SEC23B: variants seen among roughly 807,000 people sequenced by gnomAD.
SEC23B encodes protein transport protein Sec23B.
A neutral mutation model predicts 104.3 loss-of-function variants in SEC23B; 77 were observed. The ratio of observed to expected loss-of-function variants is 0.74; its 90% CI spans 0.61 to 0.89. SEC23B has a LOEUF of 0.89. Among genes scored for constraint, SEC23B ranks in the 40% least tolerant of loss-of-function variants. The pLI is 0.00. For missense variants in SEC23B, 885 were observed against 949.4 expected (o/e 0.93, Z 0.89); for synonymous variants, 338 against 332.5 (o/e 1.02, Z -0.18).
chr20:18,535,319 G>T (rs765507475), intron 11 of SEC23B, among the ~76,000 whole-genome samples: 4 of 151,858 alleles, frequency 2.6e-5, no homozygotes, highest in Non-Finnish European at 5.9e-5. Flanking sequence ...AGGCTGCAGT[G>T]AGCTGTGATT....
intron 3 of SEC23B, 149 bp from the exon 4 acceptor site, chr20:18,515,501 C>T (rs2060016536): frequency 3.1e-6 from 2 of 650,240 alleles, no homozygotes; most frequent in Admixed American, 2.1e-5. Flanking sequence ...TGTATACAGA[C>T]AGGGTCTCAC....
At chr20:18,511,770 C>A (rs1007686696) in intron 2 of SEC23B, among the ~76,000 whole-genome samples, 16 of 152,140 alleles carry the variant, frequency 1.1e-4, no homozygotes, top group Admixed American at 1.0e-3. Context: ...GCTTGCCCAA[C>A]TTTTCTTAAA....
Position 18,510,815 on chromosome 20 carries a change from TC to T in SEC23B, c.-14-6del. On this transcript the variant is annotated splice_region_variant and splice_polypyrimidine_tract_variant and intron_variant, in intron 1 of 19. Transcript: ENST00000650089. ...TACCATTAAGGTAATTAAAGTTTTA[TC>T]TTCAGTTCCCTTTTAGACTATGGCG... 6.3e-7 allele frequency: 1 copy of T among 1,598,320 alleles called. No homozygotes were observed. Among genetic ancestry groups the T allele is most frequent in the Non-Finnish European group, 8.6e-7 (1 of 1,165,578 alleles).
rs2122160794 is a variant in SEC23B, at chr20:18,551,157, T to C, written c.1974T>C (p.Ile658=). Residue 658 remains isoleucine, a synonymous_variant, in exon 17 of 20, where the codon ATT becomes ATC. Coordinates refer to ENST00000650089, the MANE Select transcript of SEC23B (RefSeq NM_006363.6). ...RILLMDTFFQ[I]VIYLGETIAQ... ...TGCTGATGGATACTTTCTTTCAAAT[T>C]GTCATTTATCTTGGTGAGGTAAGAT... The C allele has an allele frequency of 6.3e-7, 1 of 1,588,680 alleles. No individual in the cohort carries two copies. Among genetic ancestry groups the C allele is most frequent in the Non-Finnish European group, 8.6e-7 (1 of 1,161,512 alleles).
intron 4 of SEC23B, 142 bp from the exon 5 acceptor site, chr20:18,524,291 G>C (rs1224465498): frequency 1.4e-6 from 1 of 712,814 alleles, no homozygotes; most frequent in African/African-American, 1.8e-5. Context: ...CATTTAATAA[G>C]TTAGAGCTTT....
intron 18 of SEC23B, among the ~76,000 whole-genome samples, chr20:18,554,743 C>T (rs966771556): frequency 2.1e-4 from 32 of 149,726 alleles, no homozygotes; most frequent in African/African-American, 6.6e-4. Flanking sequence ...AGAAGAATGG[C>T]GTGAACCCGG....
intron 17 of SEC23B, 90 bp downstream of exon 17, chr20:18,551,265 T>C: frequency 1.4e-6 from 1 of 739,948 alleles, no homozygotes; most frequent in South Asian, 1.6e-5. Context: ...AGGAGAATTA[T>C]TGTCCTTAAC....
rs566158277 is a variant in SEC23B at position 18,538,513 on chromosome 20, A to G, written c.1404+2771A>G. ...CGTGATCCGCACGTCTCTGCCTTCCAAAGTGCTGGGATTACAGGCGTGAGC... is the reference window on the plus strand; with the variant it reads ...CGTGATCCGCACGTCTCTGCCTTCCGAAGTGCTGGGATTACAGGCGTGAGC... On this transcript the variant is annotated intron_variant, in intron 12 of 19. Transcript: ENST00000650089. 9.9e-5 allele frequency among the ~76,000 whole-genome samples: 15 copies of G among 151,988 alleles called. No homozygotes were observed. In the East Asian group the frequency reaches 2.7e-3, roughly 28 times the overall value.
intron 19 of SEC23B, among the ~76,000 whole-genome samples, chr20:18,560,372 C>T (rs533432123): frequency 6.6e-5 from 10 of 152,224 alleles, no homozygotes; most frequent in Admixed American, 2.6e-4. Flanking sequence ...ACCCTGGGTA[C>T]TTCATCAGGA....
chr20:18,543,158 C>T lies in SEC23B; in HGVS notation c.1651C>T (p.Gln551Ter). The T allele has an allele frequency of 6.2e-7, 1 of 1,614,156 alleles. No homozygotes were observed. The highest frequency in any genetic ancestry group is 2.2e-5 in the East Asian group (1 of 44,892). The change falls in exon 14 of 20, where the codon CAA (glutamine) becomes TAA (stop). Residue 551 changes from glutamine (Q) to a stop codon, truncating the protein, a stop_gained. Transcript: ENST00000650089. LOFTEE classifies it high-confidence loss of function. ...CGATGTGCTCCGGTGGCTGGACCGA[C>T]AACTCATCCGACTGGTAAATTGGGG... ...GPDVLRWLDRQLIRLCQKFGQ... is the reference protein window; with the variant it reads ...GPDVLRWLDR
At chr20:18,544,463 C>T (rs2060314782) in intron 14 of SEC23B, among the ~76,000 whole-genome samples, 1 of 152,170 alleles carries the variant, frequency 6.6e-6, no homozygotes, top group Non-Finnish European at 1.5e-5. Context: ...GAAGGGAAGG[C>T]AAGGCTTGCT....
chr20:18,539,213 A>G (rs1278172446), intron 12 of SEC23B, among the ~76,000 whole-genome samples: 2 of 126,846 alleles, frequency 1.6e-5, no homozygotes, highest in Admixed American at 8.0e-5. Flanking sequence ...CTCCGTCTAA[A>G]AAAAAAAAAA....
chr20:18,508,110 G>C lies in SEC23B; in HGVS notation c.-15+138G>C, dbSNP rs2281576. The stretch of plus-strand genomic sequence containing the variant: ...TGACAGTTTAGGGTAGCGGGGGAAT[G>C]GATGATCCGGGAGTCCCCTGCGGAT... On this transcript the variant is annotated intron_variant, in intron 1 of 19. Coordinates refer to ENST00000650089, the MANE Select transcript of SEC23B (RefSeq NM_006363.6). 126,372 of 152,188 alleles carry C rather than the reference G, an allele frequency of 0.83. 53,587 individuals are homozygous for C. The highest frequency in any genetic ancestry group is 0.93 in the Non-Finnish European group (63,102 of 68,058). The allele number at this position is 152,188 out of a possible 1,614,324, so 9.4% of individuals were successfully genotyped here.
In SEC23B at chr20:18,551,092, G is replaced by T. The variant is rs753168027; in HGVS notation, c.1909G>T (p.Val637Leu). The change falls in exon 17 of 20, where the codon GTA becomes TTA. Residue 637 changes from valine (V) to leucine (L), a missense_variant. Transcript: ENST00000650089. The part of the protein sequence containing the change: ...SYSFHGPPEP[V>L]LLDSSSILAD... The stretch of plus-strand genomic sequence containing the variant: ...CTTTCTCTCTCTTTTTCTTCAGCCA[G>T]TACTCTTGGATAGCAGCAGCATTCT... 1 of 1,601,064 alleles carries T rather than the reference G, an allele frequency of 6.2e-7. No individual in the cohort carries two copies. Among genetic ancestry groups the T allele is most frequent in the Non-Finnish European group, 8.5e-7 (1 of 1,173,298 alleles).
rs181975908 is a variant in SEC23B, at chr20:18,526,634, C to T, written c.993+103C>T. On this transcript the variant is annotated intron_variant, in intron 8 of 19. Transcript: ENST00000650089. ...TGCCAAGGTCATGTGTCATGGTCAGCAAGACGCTGTTTCAGAGACAGTTTT... is the reference window on the plus strand; with the variant it reads ...TGCCAAGGTCATGTGTCATGGTCAGTAAGACGCTGTTTCAGAGACAGTTTT... 426 of 1,208,414 alleles carry T rather than the reference C, an allele frequency of 3.5e-4. 6 individuals are homozygous for T. The highest frequency in any genetic ancestry group is 2.6e-3 in the South Asian group (211 of 81,812). 74.9% of individuals were successfully genotyped at this position (1,208,414 alleles called of 1,614,324 possible). A position where few individuals can be genotyped will look rare whatever the true frequency, so the allele number is the denominator to read the frequency against.
At chr20:18,529,712 G>A (rs1337068586) in intron 9 of SEC23B, among the ~76,000 whole-genome samples, 6 of 152,322 alleles carry the variant, frequency 3.9e-5, no homozygotes, top group East Asian at 1.9e-4. Context: ...TAGTCAGAAC[G>A]CACATGCCAA....
At chr20:18,520,856 C>G (rs548059473) in intron 4 of SEC23B, among the ~76,000 whole-genome samples, 109 of 151,820 alleles carry the variant, frequency 7.2e-4, no homozygotes, top group Non-Finnish European at 1.3e-3. Flanking sequence ...AGGCAGCGTC[C>G]GTCTTCAGCC....
At chr20:18,517,648 C>T (rs1246241578) in intron 4 of SEC23B, among the ~76,000 whole-genome samples, 5 of 151,936 alleles carry the variant, frequency 3.3e-5, no homozygotes, top group South Asian at 4.2e-4. Context: ...GATTAATGGG[C>T]GATGTTTCTC....
chr20:18,557,677 A>G (rs1192221594), intron 19 of SEC23B, among the ~76,000 whole-genome samples: 1 of 151,336 alleles, frequency 6.6e-6, no homozygotes, highest in Non-Finnish European at 1.5e-5. Flanking sequence ...ATTTCTCTAC[A>G]TGGTTGCTTT....
Sources: gnomAD v4.1 joint callset for allele counts (sites outside exome capture counted in the v4.1 genomes callset) on GRCh38, gnomAD v4.1.1 for gene constraint, MANE v1.5 for transcripts, NCBI Gene and HGNC (gene_info 2026-07-23, HGNC 2026-07-21) for gene names.